The following USP45 variants were observed in gnomAD, a reference collection of about 807,000 sequenced individuals.
USP45 encodes ubiquitin carboxyl-terminal hydrolase 45.
A neutral mutation model predicts 95.8 loss-of-function variants in USP45; 89 were observed. The ratio of observed to expected loss-of-function variants is 0.93; its 90% CI spans 0.78 to 1.11. The LOEUF (loss-of-function observed/expected upper bound fraction) is 1.11, where lower values mean the gene tolerates loss of function less well. Among genes scored for constraint, USP45 ranks in the 50% least tolerant of loss-of-function variants. The pLI, the probability that USP45 is intolerant of heterozygous loss-of-function variation, is 0.00. For synonymous variants in USP45, 281 were observed against 316.2 expected, an observed-to-expected ratio of 0.89 and a Z score of 1.18; for missense variants, 898 against 942.5, an observed-to-expected ratio of 0.95 and a Z score of 0.62.
intron 16 of USP45, among the ~76,000 whole-genome samples, chr6:99,439,115 A>T (rs1178743937): frequency 6.6e-6 from 1 of 152,236 alleles, no homozygotes; most frequent in Non-Finnish European, 1.5e-5. Flanking sequence ...GAAAGTATTA[A>T]GTTCAATAAG....
Position 99,439,771 on chromosome 6 carries a change from T to C in USP45, c.2158A>G (p.Lys720Glu). ...DLAPFCSATCKNASVGDKVLY... is the reference protein window; with the variant it reads ...DLAPFCSATCENASVGDKVLY... ...TTAAATATCTTAATATACTGTACCT[T>C]ACAAGTAGCAGAGCAGAATGGTGCT... is the stretch of plus-strand genomic sequence containing the variant. Residue 720 changes from lysine (K) to glutamate (E), a missense_variant and splice_region_variant, in exon 16 of 18, where the codon AAG becomes GAG. Physicochemically the swap from Lys to Glu is moderately conservative, Grantham distance 56. Transcript: ENST00000500704. 6.3e-7 allele frequency: 1 copy of C among 1,590,550 alleles called. No homozygotes were observed. The highest frequency in any genetic ancestry group is 8.6e-7 in the Non-Finnish European group (1 of 1,167,300).
At chr6:99,510,996 C>G (rs1010585940) in intron 1 of USP45, among the ~76,000 whole-genome samples, 1 of 152,110 alleles carries the variant, frequency 6.6e-6, no homozygotes, top group Admixed American at 6.5e-5. Flanking sequence ...CACTCTATAC[C>G]TGTGTTGTAC....
rs530117844 is a variant in USP45 at position 99,471,580 on chromosome 6, AACT to A, written c.934-2965_934-2963del. Among the ~76,000 whole-genome samples the A allele has an allele frequency of 5.3e-5, 8 of 152,362 alleles. No individual in the cohort carries two copies. The East Asian group carries it at 9.6e-4, about 18-fold the overall frequency. Reference sequence around the variant, plus strand: ...AATTAAAAAGACTGCCTTATAAAAGAACTACTTCTAGGAAATTTGATTTTGTAC... The same window carrying A: ...AATTAAAAAGACTGCCTTATAAAAGAACTTCTAGGAAATTTGATTTTGTAC... On this transcript the variant is annotated intron_variant, in intron 9 of 17. Transcript: ENST00000500704.
chr6:99,447,346 T>C (rs1440227019), intron 13 of USP45, among the ~76,000 whole-genome samples: 1 of 152,246 alleles, frequency 6.6e-6, no homozygotes, highest in Non-Finnish European at 1.5e-5. Flanking sequence ...GAGTAATTGA[T>C]ACTCAGTTTT....
At chr6:99,488,476 TACACAGAAG>T (rs1160009914) in intron 6 of USP45, among the ~76,000 whole-genome samples, 181 bp from the exon 7 acceptor site, 6 of 152,272 alleles carry the variant, frequency 3.9e-5, no homozygotes, top group Admixed American at 2.0e-4. Context: ...CATGGTAAAA[TACACAGAAG>T]ACCTTTCAGA....
chr6:99,512,602 T>C (rs886586354), intron 1 of USP45, among the ~76,000 whole-genome samples: 14 of 152,342 alleles, frequency 9.2e-5, no homozygotes, highest in African/African-American at 2.9e-4. Context: ...TACTTCTCAA[T>C]GATCAAGGTA....
chr6:99,517,635 G>A (rs1801192505), upstream of USP45, among the ~76,000 whole-genome samples: 1 of 147,446 alleles, frequency 6.8e-6, no homozygotes, highest in African/African-American at 2.5e-5. Flanking sequence ...AGTAGACAAG[G>A]TTTCACCATG....
chr6:99,439,139 AC>A (rs1781049924), intron 16 of USP45, among the ~76,000 whole-genome samples: 1 of 152,236 alleles, frequency 6.6e-6, no homozygotes, highest in Non-Finnish European at 1.5e-5. Context: ...TCTATTACAT[AC>A]TACAAAATCT....
chr6:99,516,180 T>C (rs1179441025), upstream of USP45, among the ~76,000 whole-genome samples: 1 of 152,146 alleles, frequency 6.6e-6, no homozygotes, highest in Non-Finnish European at 1.5e-5. Context: ...TACCTATCCT[T>C]CTCTCTTCCT....
At chr6:99,488,122 T>A in intron 7 of USP45, 78 bp downstream of exon 7, 1 of 917,334 alleles carries the variant, frequency 1.1e-6, no homozygotes, top group Non-Finnish European at 1.7e-6. Flanking sequence ...TTGACTGATC[T>A]GCGAATTAGG....
At chr6:99,466,257 T>C (rs1187028439) in intron 11 of USP45, among the ~76,000 whole-genome samples, 1 of 152,270 alleles carries the variant, frequency 6.6e-6, no homozygotes, top group East Asian at 1.9e-4. Context: ...TGACCTCAAG[T>C]GATCCGCCGG....
chr6:99,478,215 GATTTGTT>G (rs1218614334), intron 8 of USP45, among the ~76,000 whole-genome samples: 5 of 115,584 alleles, frequency 4.3e-5, no homozygotes, highest in African/African-American at 1.5e-4. Context: ...AATAAACTTA[GATTTGTT>G]TTTTTTTTTT....
intron 7 of USP45, 67 bp downstream of exon 7, chr6:99,488,133 A>G (rs1794398284): frequency 4.6e-6 from 5 of 1,080,608 alleles, no homozygotes; most frequent in East Asian, 4.8e-5. Context: ...GCGAATTAGG[A>G]AAAGAGATTT....
At chr6:99,476,274 T>G in intron 8 of USP45, 44 bp from the exon 9 acceptor site, 1 of 1,551,850 alleles carries the variant, frequency 6.4e-7, no homozygotes, top group Non-Finnish European at 8.9e-7. Context: ...AGAATAATCA[T>G]TCCATGGTTC....
intron 5 of USP45, among the ~76,000 whole-genome samples, chr6:99,493,826 A>G (rs866085763): frequency 6.6e-5 from 10 of 152,240 alleles, no homozygotes; most frequent in Admixed American, 3.9e-4. Flanking sequence ...AGCAGCTTAT[A>G]GCTTCTACTG....
chr6:99,488,868 T>C lies in USP45; in HGVS notation c.479-48A>G, dbSNP rs760846489. 40 of 1,394,516 alleles carry C rather than the reference T, an allele frequency of 2.9e-5. No homozygotes were observed. In the South Asian group the frequency reaches 5.8e-4, roughly 20 times the overall value. The allele number at this position is 1,394,516 out of a possible 1,614,324, so 86.4% of individuals were successfully genotyped here. ...CTGACACAAGATGTAAAGATAAATATGTCACTTAACATAATTTATATACAT... is the reference window on the plus strand; with the variant it reads ...CTGACACAAGATGTAAAGATAAATACGTCACTTAACATAATTTATATACAT... On this transcript the variant is annotated intron_variant, in intron 5 of 17. Transcript: ENST00000500704.
intron 13 of USP45, chr6:99,462,437 A>G: frequency 1.0e-6 from 1 of 983,812 alleles, no homozygotes; most frequent in Non-Finnish European, 1.2e-6. Context: ...ATAAAAATAA[A>G]GAAAAAAAAT....
Position 99,476,127 on chromosome 6 carries a change from C to T in USP45, c.933+16G>A, listed in dbSNP as rs1346819547. ...CTTCTTGAAGAGAATACATGATATACATAAAGAAACCTGACCTTTGTTTCT... is the reference window on the plus strand; with the variant it reads ...CTTCTTGAAGAGAATACATGATATATATAAAGAAACCTGACCTTTGTTTCT... On this transcript the variant is annotated intron_variant, in intron 9 of 17. Transcript: ENST00000500704. 6.2e-7 allele frequency: 1 copy of T among 1,608,268 alleles called. No homozygotes were observed. Among genetic ancestry groups the T allele is most frequent in the African/African-American group, 1.3e-5 (1 of 74,638 alleles).
At chr6:99,444,500 G>A (rs1187816183) in intron 14 of USP45, among the ~76,000 whole-genome samples, 1 of 152,116 alleles carries the variant, frequency 6.6e-6, no homozygotes, top group African/African-American at 2.4e-5. Context: ...CCTAGAGATA[G>A]TAAACAACTT....
Sources: gnomAD v4.1 joint callset for allele counts (sites outside exome capture counted in the v4.1 genomes callset) on GRCh38, gnomAD v4.1.1 for gene constraint, MANE v1.5 for transcripts, NCBI Gene and HGNC (gene_info 2026-07-23, HGNC 2026-07-21) for gene names.